The following SEMA3C variants were observed in gnomAD, a reference collection of about 807,000 sequenced individuals.
SEMA3C encodes the protein semaphorin 3C.
Under a neutral mutation model 89.4 loss-of-function variants are expected in SEMA3C, and 47 were observed. The observed-to-expected ratio is 0.53, with a 90% confidence interval of 0.42 to 0.67. SEMA3C has a LOEUF of 0.67. Ranked by LOEUF, SEMA3C falls within the 30% of genes least tolerant of loss-of-function variation. The pLI, the probability that SEMA3C is intolerant of heterozygous loss-of-function variation, is 0.00. For missense variants in SEMA3C, 839 were observed against 929.1 expected (o/e 0.90, Z 1.26); for synonymous variants, 310 against 320.2 (o/e 0.97, Z 0.34).
chr7:80,896,318 T>C (rs1430243833), intron 2 of SEMA3C, among the ~76,000 whole-genome samples: 2 of 152,264 alleles, frequency 1.3e-5, no homozygotes, highest in Admixed American at 6.5e-5. Flanking sequence ...TTGTGTTAAA[T>C]CACAGTTATG....
chr7:80,875,944 TA>T lies in SEMA3C; in HGVS notation c.103+40734del, dbSNP rs201914530. Reference sequence around the variant, plus strand: ...CTATCGGTGAAACTGGGAAGGAAGTTAAAAAAAAAAATGTGCTAGTTTTGCT... The same window carrying T: ...CTATCGGTGAAACTGGGAAGGAAGTTAAAAAAAAAATGTGCTAGTTTTGCT... On this transcript the variant is annotated intron_variant, in intron 2 of 17. Transcript: ENST00000265361. 0.012 allele frequency among the ~76,000 whole-genome samples: 1,773 copies of T among 146,902 alleles called. 59 individuals are homozygous for T. In the East Asian group the frequency reaches 0.13, roughly 11 times the overall value.
At chr7:80,814,557 A>G (rs896317176) in intron 5 of SEMA3C, among the ~76,000 whole-genome samples, 3 of 152,016 alleles carry the variant, frequency 2.0e-5, no homozygotes, top group African/African-American at 7.3e-5. Flanking sequence ...TTATAAAACA[A>G]TGACTCACAC....
At chr7:80,812,969 T>G (rs910384778) in intron 5 of SEMA3C, among the ~76,000 whole-genome samples, 26 of 147,960 alleles carry the variant, frequency 1.8e-4, no homozygotes, top group African/African-American at 6.4e-4. Flanking sequence ...GTATTTTTTT[T>G]TTTTTTTTTT....
At chr7:80,877,149 A>C (rs940901472) in intron 2 of SEMA3C, among the ~76,000 whole-genome samples, 1 of 152,210 alleles carries the variant, frequency 6.6e-6, no homozygotes, top group Non-Finnish European at 1.5e-5. Flanking sequence ...TGGAGCAATT[A>C]AGAGTTATCT....
upstream of SEMA3C, among the ~76,000 whole-genome samples, chr7:80,920,219 C>T (rs3762017): frequency 3.3e-5 from 5 of 151,786 alleles, no homozygotes; most frequent in African/African-American, 1.2e-4. Context: ...ATTACTTCTC[C>T]GGACCACAAT....
At chr7:80,784,813 T>C (rs1201450367) in intron 12 of SEMA3C, among the ~76,000 whole-genome samples, 2 of 152,160 alleles carry the variant, frequency 1.3e-5, no homozygotes, top group Non-Finnish European at 2.9e-5. Flanking sequence ...GCTCATGAGA[T>C]ATTCTGCTTT....
chr7:80,807,515 T>G (rs569140042), intron 6 of SEMA3C, among the ~76,000 whole-genome samples: 1 of 152,330 alleles, frequency 6.6e-6, no homozygotes, highest in African/African-American at 2.4e-5. Flanking sequence ...TTGGTAACAA[T>G]CTTGAGAGGA....
At position 80,818,286 on chromosome 7, in the gene SEMA3C, T is replaced by C. The variant is rs748958601; in HGVS notation, c.447+13A>G. ...TAATATCAAAACTAAGAATGTTAAA[T>C]AGTTATACTTACCTCTGATCTCCTC... is the stretch of plus-strand genomic sequence containing the variant. On this transcript the variant is annotated intron_variant, in intron 5 of 17. Transcript: ENST00000265361. The C allele has an allele frequency of 1.3e-6, 2 of 1,582,258 alleles. No individual in the cohort carries two copies. Among genetic ancestry groups the C allele is most frequent in the East Asian group, 2.2e-5 (1 of 44,484 alleles).
chr7:80,913,958 C>A (rs56125951), intron 2 of SEMA3C, among the ~76,000 whole-genome samples: 2,336 of 152,280 alleles, frequency 0.015, 69 homozygotes, highest in African/African-American at 0.053. Flanking sequence ...TGAGTGGTTT[C>A]TTCTCAAGTT....
At chr7:80,842,630 G>C (rs1345561833) in intron 2 of SEMA3C, among the ~76,000 whole-genome samples, 1 of 151,862 alleles carries the variant, frequency 6.6e-6, no homozygotes, top group Non-Finnish European at 1.5e-5. Context: ...TAATGCAGAG[G>C]GAAGCTTCAC....
intron 12 of SEMA3C, among the ~76,000 whole-genome samples, chr7:80,784,909 T>C (rs552740053): frequency 2.6e-5 from 4 of 152,306 alleles, no homozygotes; most frequent in Non-Finnish European, 4.4e-5. Context: ...ATTTGGGCCA[T>C]AGGTTATATT....
chr7:80,891,981 A>G (rs1228615269), intron 2 of SEMA3C, among the ~76,000 whole-genome samples: 2 of 152,174 alleles, frequency 1.3e-5, no homozygotes, highest in Non-Finnish European at 2.9e-5. Flanking sequence ...ATACCTACCC[A>G]TACGCTTAGG....
At chr7:80,880,372 T>G (rs1237803560) in intron 2 of SEMA3C, among the ~76,000 whole-genome samples, 2 of 152,222 alleles carry the variant, frequency 1.3e-5, no homozygotes, top group East Asian at 3.9e-4. Context: ...ATAGTACAAG[T>G]ACTTGTTCTG....
At chr7:80,751,949 G>A (rs1461759295) in intron 15 of SEMA3C, among the ~76,000 whole-genome samples, 4 of 152,032 alleles carry the variant, frequency 2.6e-5, no homozygotes, top group African/African-American at 9.7e-5. Context: ...AATGAATACT[G>A]GTATACCTAG....
Position 80,828,588 on chromosome 7 carries a change from C to T in SEMA3C, c.261G>A (p.Leu87=). The change falls in exon 3 of 18, where the codon TTG becomes TTA. Residue 87 remains leucine (L), a synonymous_variant. Coordinates refer to ENST00000265361, the MANE Select transcript of SEMA3C (RefSeq NM_006379.5). ...CTCGTGAAAGTGATAAACTTACACT[C>T]AAAGCTTCTTGACTTATATTGTTAA... ...LNINNISQEA[L]SVFWPASTIK... 1 of 1,604,198 alleles carries T rather than the reference C, an allele frequency of 6.2e-7. No homozygotes were observed.
chr7:80,800,657 G>A (rs1341343944), intron 10 of SEMA3C, 100 bp downstream of exon 10: 6 of 750,246 alleles, frequency 8.0e-6, no homozygotes, highest in African/African-American at 1.8e-5. Context: ...CAAATGACAT[G>A]TAAAATTAAA....
At chr7:80,789,651 T>A in intron 11 of SEMA3C, 123 bp from the exon 12 acceptor site, 1 of 653,218 alleles carries the variant, frequency 1.5e-6, no homozygotes, top group Admixed American at 3.0e-5. Flanking sequence ...ATCTGCTACC[T>A]ATGGAAGTGA....
At chr7:80,863,176 G>A (rs1312855424) in intron 2 of SEMA3C, among the ~76,000 whole-genome samples, 1 of 151,226 alleles carries the variant, frequency 6.6e-6, no homozygotes, top group African/African-American at 2.4e-5. Flanking sequence ...AGGTTGCAGT[G>A]AGCCAAGATC....
intron 7 of SEMA3C, among the ~76,000 whole-genome samples, chr7:80,805,061 CAT>C (rs1245284762): frequency 1.3e-5 from 2 of 151,874 alleles, no homozygotes; most frequent in Non-Finnish European, 2.9e-5. Context: ...ATGTGAATTC[CAT>C]ATGACTCCAA....
Sources: allele counts gnomAD v4.1 joint callset (sites outside exome capture counted in the v4.1 genomes callset), GRCh38; gene constraint gnomAD v4.1.1; transcripts MANE v1.5; gene names NCBI Gene and HGNC (gene_info 2026-07-23, HGNC 2026-07-21).